The following ACBD4 variants were observed in gnomAD, a reference collection of about 807,000 sequenced individuals.
ACBD4 encodes the protein acyl-CoA binding domain containing 4, also known as acyl-CoA-binding domain-containing protein 4.
ACBD4 carries 41 observed loss-of-function variants against 46.0 expected under a neutral mutation model. The ratio of observed to expected loss-of-function variants is 0.89; its 90% CI spans 0.69 to 1.16. The LOEUF is 1.16. Among genes scored for constraint, ACBD4 ranks in the 50% most tolerant of loss-of-function variants. The pLI is 0.00. For synonymous variants in ACBD4, 162 were observed against 155.9 expected, an observed-to-expected ratio of 1.04 and a Z score of -0.29; for missense variants, 393 against 399.5, an observed-to-expected ratio of 0.98 and a Z score of 0.14.
intron 9 of ACBD4, among the ~76,000 whole-genome samples, chr17:45,141,342 T>C (rs1039308894): frequency 2.0e-5 from 3 of 152,200 alleles, no homozygotes; most frequent in Non-Finnish European, 4.4e-5. Context: ...GGTTCCTCGA[T>C]ACACATTTCC....
At position 45,139,103 on chromosome 17, in the gene ACBD4, G is replaced by A. The variant is rs1010966971; in HGVS notation, c.732G>A (p.Met244Ile). Reference sequence around the variant, plus strand: ...CAGTTCGAGCACTACAGGAGAGCATGCAGGAGGTGCAGGCGAGGGTGCAGA... The same window carrying A: ...CAGTTCGAGCACTACAGGAGAGCATACAGGAGGTGCAGGCGAGGGTGCAGA... Reference protein sequence around the residue: ...LGTVRALQESMQEVQARVQSL... With the variant: ...LGTVRALQESIQEVQARVQSL... The change falls in exon 9 of 10, where the codon ATG (methionine) becomes ATA (isoleucine). Residue 244 changes from methionine (M) to isoleucine (I), a missense_variant. Around this residue, in one of 3 missense-constraint regions of ACBD4, gnomAD observed 308 missense variants for 301.8 expected, o/e 1.02. Coordinates refer to ENST00000321854, the MANE Select transcript of ACBD4 (RefSeq NM_001135705.3). 4 of 1,613,794 alleles carry A rather than the reference G, an allele frequency of 2.5e-6. No homozygotes were observed. Among genetic ancestry groups the A allele is most frequent in the Non-Finnish European group, 3.4e-6 (4 of 1,180,038 alleles).
In ACBD4 at chr17:45,137,005, C is replaced by G. The variant is rs116838722; in HGVS notation, c.295-14C>G. On this transcript the variant is annotated splice_polypyrimidine_tract_variant and intron_variant, in intron 4 of 9. Transcript: ENST00000321854. ...GGAGGCCACTCCGTCCCCAACAGAC[C>G]CCCTCCCCTACAGGTGATCGACACA... The G allele has an allele frequency of 1.1e-3, 1,828 of 1,614,014 alleles. 24 individuals are homozygous for G. The African/African-American group carries it at 0.022, about 19-fold the overall frequency.
intron 8 of ACBD4, 149 bp downstream of exon 8, chr17:45,138,137 C>T (rs375639417): frequency 2.4e-6 from 2 of 847,728 alleles, no homozygotes; most frequent in South Asian, 1.7e-5. Flanking sequence ...GGGCTGCCAA[C>T]CAGCCAGATA....
At chr17:45,142,536 C>T in intron 9 of ACBD4, 1 of 281,704 alleles carries the variant, frequency 3.5e-6, no homozygotes, top group South Asian at 3.1e-5. Context: ...TTCAGTATTC[C>T]CAGGAGCCAC....
At chr17:45,137,855 T>C (rs761479549) in intron 7 of ACBD4, 25 bp downstream of exon 7, 1 of 1,608,182 alleles carries the variant, frequency 6.2e-7, no homozygotes, top group South Asian at 1.1e-5. Flanking sequence ...CATTCCCCCC[T>C]TTTCCCACCC....
Position 45,140,214 on chromosome 17 carries a change from T to TCA in ACBD4, c.789+1054_789+1055insCA, listed in dbSNP as rs2055180623. 5.3e-5 allele frequency among the ~76,000 whole-genome samples: 8 copies of TCA among 151,514 alleles called. No individual in the cohort carries two copies. In the South Asian group the frequency reaches 1.7e-3, roughly 32 times the overall value. On this transcript the variant is annotated intron_variant, in intron 9 of 9. Coordinates refer to ENST00000321854, the MANE Select transcript of ACBD4 (RefSeq NM_001135705.3). ...GTTTTTTGTTTTTGAGATAGAGTCTTGCTCTGTCGCCCAGGCTGAAGTACA... is the reference window on the plus strand; with the variant it reads ...GTTTTTTGTTTTTGAGATAGAGTCTTCAGCTCTGTCGCCCAGGCTGAAGTACA...
chr17:45,134,583 T>C (rs1441885207), upstream of ACBD4, among the ~76,000 whole-genome samples: 3 of 152,094 alleles, frequency 2.0e-5, no homozygotes. Context: ...GAGACCATCC[T>C]GGCTAATATG....
upstream of ACBD4, chr17:45,132,294 G>C: frequency 7.9e-7 from 1 of 1,267,696 alleles, no homozygotes; most frequent in Non-Finnish European, 9.9e-7. The surrounding 1 kb of genome is among the most constrained non-coding windows in gnomAD (Gnocchi z 4.6). Flanking sequence ...TGCCGCCATC[G>C]GAGGGAGTCG....
At position 45,143,686 on chromosome 17, in the gene ACBD4, G is replaced by C. The variant is rs1260591510; in HGVS notation, c.*115G>C. ...CCCCGTCCTGTCAGTGTTTGCCTTCGCACCTCCTCCCCTAAAGCAGCGCGG... is the reference window on the plus strand; with the variant it reads ...CCCCGTCCTGTCAGTGTTTGCCTTCCCACCTCCTCCCCTAAAGCAGCGCGG... On this transcript the variant is annotated 3_prime_UTR_variant, in exon 10 of 10. Transcript: ENST00000321854. 6.4e-6 allele frequency: 10 copies of C among 1,567,234 alleles called. No individual in the cohort carries two copies. Among genetic ancestry groups the C allele is most frequent in the African/African-American group, 1.4e-5 (1 of 73,902 alleles).
chr17:45,143,534 A>C lies in ACBD4; in HGVS notation c.881A>C (p.Gln294Pro), dbSNP rs1306652195. 4 of 1,613,964 alleles carry C rather than the reference A, an allele frequency of 2.5e-6. No individual in the cohort carries two copies. In the South Asian group the frequency reaches 4.4e-5, roughly 18 times the overall value. The change falls in exon 10 of 10, where the codon CAG (glutamine) becomes CCG (proline). Residue 294 changes from glutamine (Q) to proline (P), a missense_variant. This residue lies in a region of ACBD4 where 308 missense variants were observed against 301.8 expected (regional missense o/e 1.02). Coordinates refer to ENST00000321854, the MANE Select transcript of ACBD4 (RefSeq NM_001135705.3). Reference protein sequence around the residue: ...LFFLLWPFVVQWLFRMFRTQK... With the variant: ...LFFLLWPFVVPWLFRMFRTQK... ...TTCCTCCTGTGGCCCTTCGTCGTCCAGTGGCTCTTCCGAATGTTTCGGACC... is the reference window on the plus strand; with the variant it reads ...TTCCTCCTGTGGCCCTTCGTCGTCCCGTGGCTCTTCCGAATGTTTCGGACC...
chr17:45,139,605 G>A (rs1256574960), intron 9 of ACBD4, among the ~76,000 whole-genome samples: 1 of 152,172 alleles, frequency 6.6e-6, no homozygotes, highest in Non-Finnish European at 1.5e-5. Context: ...CTGGGCTCCT[G>A]CAAACTAAAT....
chr17:45,139,794 G>A (rs915166300), intron 9 of ACBD4, among the ~76,000 whole-genome samples: 1 of 152,238 alleles, frequency 6.6e-6, no homozygotes, highest in Admixed American at 6.5e-5. Flanking sequence ...GCCTCTCTGA[G>A]CTACTGTGAG....
In ACBD4 at chr17:45,138,928, T is replaced by G. The variant is rs1010308499; in HGVS notation, c.650-93T>G. On this transcript the variant is annotated intron_variant, in intron 8 of 9. Transcript: ENST00000321854. ...TGGTACAGCGACTGGGTTCCACTCC[T>G]ACACTTTCCTGGGCTTGCCCCAGCC... The G allele has an allele frequency of 3.5e-6, 5 of 1,415,952 alleles. No homozygotes were observed. The African/African-American group carries it at 5.6e-5, about 16-fold the overall frequency. The allele number at this position is 1,415,952 out of a possible 1,614,324, so 87.7% of individuals were successfully genotyped here.
intron 9 of ACBD4, among the ~76,000 whole-genome samples, chr17:45,141,039 C>A (rs1679603776): frequency 1.3e-5 from 2 of 152,162 alleles, no homozygotes; most frequent in African/African-American, 4.8e-5. Flanking sequence ...AAAACCATAT[C>A]TCTCAAAATA....
In ACBD4 at chr17:45,137,031, G is replaced by A; in HGVS notation, c.307G>A (p.Val103Met). ...CCCTCCCCTACAGGTGATCGACACA[G>A]TGCCCCTGGGTGAGGTGGCAGAGGA... ...KLVAQKVIDT[V>M]PLGEVAEDMF... Residue 103 changes from valine (V) to methionine (M), a missense_variant, in exon 5 of 10, where the codon GTG (valine) becomes ATG (methionine). By Grantham distance (21) the Val-to-Met change is conservative. This residue lies in a region of ACBD4 where 308 missense variants were observed against 301.8 expected (regional missense o/e 1.02). Transcript: ENST00000321854. 1.2e-6 allele frequency: 2 copies of A among 1,614,146 alleles called. No homozygotes were observed. Among genetic ancestry groups the A allele is most frequent in the Non-Finnish European group, 1.7e-6 (2 of 1,180,010 alleles).
Position 45,137,842 on chromosome 17 carries a change from C to T in ACBD4, c.573+12C>T, listed in dbSNP as rs574537572. 7.4e-6 allele frequency: 12 copies of T among 1,612,862 alleles called. No homozygotes were observed. In the African/African-American group the frequency reaches 1.6e-4, roughly 22 times the overall value. On this transcript the variant is annotated intron_variant, in intron 7 of 9. Transcript: ENST00000321854. ...TGGAGCCTGAGCTGGTGAGCCCAGTCCCCATTCCCCCCTTTTCCCACCCCA... is the reference window on the plus strand; with the variant it reads ...TGGAGCCTGAGCTGGTGAGCCCAGTTCCCATTCCCCCCTTTTCCCACCCCA...
intron 9 of ACBD4, among the ~76,000 whole-genome samples, chr17:45,141,591 T>C (rs545625958): frequency 6.6e-6 from 1 of 152,178 alleles, no homozygotes; most frequent in African/African-American, 2.4e-5. Context: ...CCCAGGAGAT[T>C]GAGGCTGCAG....
upstream of ACBD4, among the ~76,000 whole-genome samples, chr17:45,131,891 C>A (rs896602923): frequency 5.3e-5 from 8 of 152,150 alleles, no homozygotes; most frequent in African/African-American, 1.7e-4. Context: ...CCCGAGACAC[C>A]CTGGCAGAAC....
chr17:45,136,430 G>T, intron 2 of ACBD4, 70 bp from the exon 3 acceptor site: 1 of 1,545,904 alleles, frequency 6.5e-7, no homozygotes. Context: ...TCCAAGCAGG[G>T]TTCTCCCGCC....
Sources: allele counts gnomAD v4.1 joint callset (sites outside exome capture counted in the v4.1 genomes callset), GRCh38; gene constraint gnomAD v4.1.1; regional missense constraint gnomAD v4.1.1; non-coding constraint Gnocchi (gnomAD v3.1); transcripts MANE v1.5; gene names NCBI Gene and HGNC (gene_info 2026-07-23, HGNC 2026-07-21).